The following CRAMP1 variants were observed in gnomAD, a reference collection of about 807,000 sequenced individuals.
CRAMP1 encodes the protein cramped chromatin regulator 1.
Under a neutral mutation model 115.4 loss-of-function variants are expected in CRAMP1, and 50 were observed. That is an observed-to-expected ratio of 0.43 (90% CI 0.35 to 0.55). The LOEUF is 0.55. CRAMP1 is among the 20% of genes least tolerant of loss of function. The pLI is 0.01. For missense variants in CRAMP1, 1,679 were observed against 1,721.7 expected (o/e 0.98, Z 0.44); for synonymous variants, 866 against 745.4 (o/e 1.16, Z -2.64).
At chr16:1,653,261 C>T in intron 8 of CRAMP1, 105 bp downstream of exon 8, 3 of 1,329,810 alleles carry the variant, frequency 2.3e-6, no homozygotes, top group Admixed American at 2.2e-5. Context: ...GCAGGTCCAC[C>T]CCTATGCTCT....
intron 6 of CRAMP1, among the ~76,000 whole-genome samples, chr16:1,644,339 G>T (rs1363713376): frequency 6.6e-6 from 1 of 152,242 alleles, no homozygotes; most frequent in Non-Finnish European, 1.5e-5. Context: ...CAGAACGGCT[G>T]CTGAATAGTG....
At chr16:1,653,600 C>T (rs1227028179) in intron 8 of CRAMP1, among the ~76,000 whole-genome samples, 2 of 151,864 alleles carry the variant, frequency 1.3e-5, no homozygotes, top group Non-Finnish European at 1.5e-5. Flanking sequence ...GAGGCCAGGG[C>T]GGGTGGATCA....
At position 1,676,846 on chromosome 16, in the gene CRAMP1, C is replaced by CT. The variant is rs760963665; in HGVS notation, c.*2802dup. On this transcript the variant is annotated 3_prime_UTR_variant, in exon 21 of 21. Transcript: ENST00000397412. Reference sequence around the variant, plus strand: ...TGTTTTGTCCTTCTGTGTCTTGTAGCTGTAGGGTGCCAGCTCAGGGAGTGG... The same window carrying CT: ...TGTTTTGTCCTTCTGTGTCTTGTAGCTTGTAGGGTGCCAGCTCAGGGAGTGG... 6.6e-6 allele frequency: 1 copy of CT among 152,298 alleles called. No homozygotes were observed. The highest frequency in any genetic ancestry group is 1.5e-5 in the Non-Finnish European group (1 of 68,080). The allele number at this position is 152,298 out of a possible 1,614,324, so 9.4% of individuals were successfully genotyped here.
At chr16:1,615,021 C>G (rs1395500429) in intron 2 of CRAMP1, 36 bp downstream of exon 2, 1 of 1,176,274 alleles carries the variant, frequency 8.5e-7, no homozygotes, top group East Asian at 3.2e-5. Context: ...ACCCCAGCCC[C>G]TCTCCGGGGT....
chr16:1,655,119 C>G lies in CRAMP1; in HGVS notation c.1038-100C>G, dbSNP rs1296657061. 7.6e-6 allele frequency: 8 copies of G among 1,057,064 alleles called. No homozygotes were observed. In the African/African-American group the frequency reaches 1.1e-4, roughly 14 times the overall value. 65.5% of individuals were successfully genotyped at this position (1,057,064 alleles called of 1,614,324 possible). A position where few individuals can be genotyped will look rare whatever the true frequency, so the allele number is the denominator to read the frequency against. ...GGGTGCCTCTCCAGAGGTCCCTTGTCTCTTTTGGCACCCTCCTGCTGTAAG... is the reference window on the plus strand; with the variant it reads ...GGGTGCCTCTCCAGAGGTCCCTTGTGTCTTTTGGCACCCTCCTGCTGTAAG... On this transcript the variant is annotated intron_variant, in intron 8 of 20. Coordinates refer to ENST00000397412, the MANE Select transcript of CRAMP1 (RefSeq NM_020825.4).
chr16:1,677,123 G>C lies in CRAMP1; in HGVS notation c.*3078G>C, dbSNP rs530532377. 3 of 152,754 alleles carry C rather than the reference G, an allele frequency of 2.0e-5. No homozygotes were observed. The East Asian group carries it at 5.8e-4, about 29-fold the overall frequency. The allele number at this position is 152,754 out of a possible 1,614,324, so 9.5% of individuals were successfully genotyped here. ...TGAGCTCTAGCCGATGCATTTGTCAGGAAATACAGCACTTTGTCTTAAGAA... is the reference window on the plus strand; with the variant it reads ...TGAGCTCTAGCCGATGCATTTGTCACGAAATACAGCACTTTGTCTTAAGAA... On this transcript the variant is annotated 3_prime_UTR_variant, in exon 21 of 21. Transcript: ENST00000397412.
intron 14 of CRAMP1, among the ~76,000 whole-genome samples, chr16:1,665,517 G>C (rs1437387883): frequency 6.6e-6 from 1 of 152,154 alleles, no homozygotes; most frequent in South Asian, 2.1e-4. Context: ...CATTTAGTGG[G>C]GGCCTTGGCT....
At chr16:1,648,709 T>G (rs1228111180) in intron 6 of CRAMP1, among the ~76,000 whole-genome samples, 1 of 152,136 alleles carries the variant, frequency 6.6e-6, no homozygotes, top group East Asian at 1.9e-4. Flanking sequence ...TTAATGTTCA[T>G]AAAACTGCTG....
In CRAMP1 at chr16:1,666,227, T is replaced by A. The variant is rs762278824; in HGVS notation, c.2857+50T>A. 1.5e-6 allele frequency: 2 copies of A among 1,363,270 alleles called. No individual in the cohort carries two copies. The highest frequency in any genetic ancestry group is 2.5e-5 in the South Asian group (2 of 81,316). The allele number at this position is 1,363,270 out of a possible 1,614,324, so 84.4% of individuals were successfully genotyped here. A position where few individuals can be genotyped will look rare whatever the true frequency, so the allele number is the denominator to read the frequency against. On this transcript the variant is annotated intron_variant, in intron 15 of 20. Transcript: ENST00000397412. This position sits in a 1 kb window ranked among gnomAD's most constrained non-coding sequence, Gnocchi z 5.0. ...AGCCACTGAGTGAGCCTCTGAGGGA[T>A]GTTTTTGTGACCAGGTTTTTTGAAT...
intron 2 of CRAMP1, among the ~76,000 whole-genome samples, chr16:1,616,512 G>T (rs529753195): frequency 2.6e-5 from 4 of 152,334 alleles, no homozygotes; most frequent in Non-Finnish European, 5.9e-5. Flanking sequence ...CGTGTACGTG[G>T]CTACTTGTAT....
chr16:1,652,274 C>T (rs1195484720), intron 6 of CRAMP1, among the ~76,000 whole-genome samples: 1 of 152,218 alleles, frequency 6.6e-6, no homozygotes, highest in Admixed American at 6.5e-5. Flanking sequence ...CAGCAGGTGT[C>T]CCTTGGAGTG....
chr16:1,629,905 C>T (rs1243078793), intron 3 of CRAMP1, among the ~76,000 whole-genome samples: 1 of 151,832 alleles, frequency 6.6e-6, no homozygotes, highest in Non-Finnish European at 1.5e-5. Flanking sequence ...GTCTTCACCT[C>T]CCTCAGCCCC....
intron 6 of CRAMP1, among the ~76,000 whole-genome samples, chr16:1,642,216 T>C (rs894831654): frequency 2.0e-5 from 3 of 152,198 alleles, no homozygotes; most frequent in Non-Finnish European, 4.4e-5. Context: ...CACTTCACCC[T>C]TGGACCTCTG....
intron 5 of CRAMP1, 136 bp from the exon 6 acceptor site, chr16:1,641,003 G>A (rs1200505528): frequency 4.8e-6 from 3 of 622,536 alleles, no homozygotes; most frequent in South Asian, 2.0e-5. Flanking sequence ...AGCTACTGTA[G>A]GGCTTTTATT....
intron 10 of CRAMP1, among the ~76,000 whole-genome samples, chr16:1,658,755 C>T (rs1439577774): frequency 2.6e-5 from 4 of 152,276 alleles, no homozygotes; most frequent in African/African-American, 9.6e-5. Flanking sequence ...GGGAGGGGTC[C>T]TGGGGAAAGC....
rs758017798 is a variant in CRAMP1 at position 1,662,765 on chromosome 16, A to G, written c.2600A>G (p.Gln867Arg). 3 of 1,613,926 alleles carry G rather than the reference A, an allele frequency of 1.9e-6. No individual in the cohort carries two copies. The highest frequency in any genetic ancestry group is 2.5e-6 in the Non-Finnish European group (3 of 1,179,876). ...FRQHLNSISM[Q>R]SDFFLPKPRK... ...CCGGACGCTGCTCCCTTACAGATGC[A>G]GTCGGATTTCTTCCTGCCAAAGCCC... The change falls in exon 13 of 21, where the codon CAG becomes CGG. Residue 867 changes from glutamine (Q) to arginine (R), a missense_variant. Transcript: ENST00000397412.
rs752316093 is a variant in CRAMP1, at chr16:1,655,921, A to G, written c.1164A>G (p.Ala388=). The G allele has an allele frequency of 9.9e-6, 16 of 1,612,926 alleles. No homozygotes were observed. Among genetic ancestry groups the G allele is most frequent in the Non-Finnish European group, 1.4e-5 (16 of 1,179,728 alleles). ...EERQLQDSCS[A]PMQEKVTLHL... is the part of the protein sequence containing the mutation. ...GGCAGCTGCAGGACTCATGCTCCGC[A>G]CCGATGCAGGAGAAGGTGACACTGC... The change falls in exon 10 of 21, where the codon GCA becomes GCG. Residue 388 remains alanine, a synonymous_variant. Coordinates refer to ENST00000397412, the MANE Select transcript of CRAMP1 (RefSeq NM_020825.4).
At chr16:1,629,627 G>A (rs564435226) in intron 3 of CRAMP1, among the ~76,000 whole-genome samples, 12 of 152,116 alleles carry the variant, frequency 7.9e-5, no homozygotes, top group African/African-American at 2.4e-4. Context: ...TTGAGTAGAC[G>A]ACCCCGCAGT....
Position 1,656,834 on chromosome 16 carries a change from C to G in CRAMP1, c.2077C>G (p.Leu693Val). 1 of 1,550,778 alleles carries G rather than the reference C, an allele frequency of 6.4e-7. No homozygotes were observed. The highest frequency in any genetic ancestry group is 8.7e-7 in the Non-Finnish European group (1 of 1,147,022). The change falls in exon 10 of 21, where the codon CTC (leucine) becomes GTC (valine). Residue 693 changes from leucine to valine, a missense_variant. Coordinates refer to ENST00000397412, the MANE Select transcript of CRAMP1 (RefSeq NM_020825.4). This position sits in a 1 kb window ranked among gnomAD's most constrained non-coding sequence, Gnocchi z 5.6. The stretch of plus-strand genomic sequence containing the variant: ...AAGCCTCACGCTGGCCGAAGTCTAC[C>G]TCATGATGGGCAAGCCCAGCAAGCT... ...SESLTLAEVY[L>V]MMGKPSKLQL...
Sources: allele counts gnomAD v4.1 joint callset (sites outside exome capture counted in the v4.1 genomes callset), GRCh38; gene constraint gnomAD v4.1.1; non-coding constraint Gnocchi (gnomAD v3.1); transcripts MANE v1.5; gene names NCBI Gene and HGNC (gene_info 2026-07-23, HGNC 2026-07-21).